Variants in ZNF398 observed in about 807,000 individuals in gnomAD.
ZNF398 encodes zinc finger DNA binding protein ZER6.
In ZNF398, 18 loss-of-function variants were observed where a neutral mutation model predicts 41.9. The ratio of observed to expected loss-of-function variants is 0.43; its 90% CI spans 0.30 to 0.64. The LOEUF (loss-of-function observed/expected upper bound fraction) is 0.64, where lower values mean the gene tolerates loss of function less well. ZNF398 is among the 30% of genes least tolerant of loss of function. The pLI is 0.14. For synonymous variants in ZNF398, 260 were observed against 308.8 expected (o/e 0.84, Z 1.66); for missense variants, 669 against 822.8 (o/e 0.81, Z 2.29).
At chr7:149,159,496 A>C (rs1283782056) in intron 2 of ZNF398, among the ~76,000 whole-genome samples, 1 of 151,534 alleles carries the variant, frequency 6.6e-6, no homozygotes. Flanking sequence ...AATACAAAAA[A>C]AATTAGCCGG....
intron 5 of ZNF398, among the ~76,000 whole-genome samples, 181 bp downstream of exon 5, chr7:149,176,762 A>G (rs111339625): frequency 9.2e-5 from 14 of 152,348 alleles, no homozygotes; most frequent in Admixed American, 7.2e-4. Context: ...GAAGTGAGTG[A>G]GAAAATACAC....
intron 2 of ZNF398, among the ~76,000 whole-genome samples, chr7:149,130,251 C>A (rs1437190177): frequency 1.3e-5 from 2 of 152,064 alleles, no homozygotes; most frequent in Non-Finnish European, 2.9e-5. Context: ...GCACACCACC[C>A]CACCTGGCTA....
intron 2 of ZNF398, 80 bp downstream of exon 2, chr7:149,154,420 ATT>A (rs1794927042): frequency 5.6e-6 from 8 of 1,421,058 alleles, no homozygotes; most frequent in Non-Finnish European, 7.5e-6. Flanking sequence ...AGTTACTTAG[ATT>A]TTTTATTTCC....
intron 2 of ZNF398, among the ~76,000 whole-genome samples, chr7:149,132,697 G>A (rs1478205521): frequency 6.6e-6 from 1 of 152,162 alleles, no homozygotes; most frequent in Non-Finnish European, 1.5e-5. Flanking sequence ...TAATGCAAAT[G>A]AGCTTTCCAC....
chr7:149,163,497 C>T (rs1795157656), intron 2 of ZNF398, among the ~76,000 whole-genome samples: 1 of 152,050 alleles, frequency 6.6e-6, no homozygotes, highest in Admixed American at 6.6e-5. Context: ...CTCAGCCTCC[C>T]AGGTAGTTGG....
intron 2 of ZNF398, among the ~76,000 whole-genome samples, chr7:149,159,399 G>A (rs1795052039): frequency 6.6e-6 from 1 of 152,036 alleles, no homozygotes; most frequent in East Asian, 2.0e-4. Flanking sequence ...TGTAATCCCA[G>A]TACTTTGGGA....
intron 2 of ZNF398, among the ~76,000 whole-genome samples, chr7:149,133,647 T>C (rs1826641169): frequency 1.2e-5 from 1 of 86,030 alleles, no homozygotes; most frequent in African/African-American, 6.3e-5. Context: ...TATTTTTGTG[T>C]TTTTTAAATA....
intron 4 of ZNF398, among the ~76,000 whole-genome samples, chr7:149,168,049 T>G (rs1370924909): frequency 6.6e-6 from 1 of 152,186 alleles, no homozygotes; most frequent in East Asian, 1.9e-4. Context: ...TATCTATCAC[T>G]GCATCACTCC....
At chr7:149,170,253 G>A (rs1795306642) in intron 4 of ZNF398, among the ~76,000 whole-genome samples, 1 of 152,178 alleles carries the variant, frequency 6.6e-6, no homozygotes, top group African/African-American at 2.4e-5. Flanking sequence ...ACATCACAGC[G>A]TGAACTCACA....
rs1563168201 is a variant in ZNF398 at position 149,179,576 on chromosome 7, C to G, written c.1704C>G (p.Pro568=). Residue 568 remains proline (P), a synonymous_variant, in exon 6 of 6, where the codon CCC becomes CCG. Transcript: ENST00000475153. The surrounding 1 kb of genome is among the most constrained non-coding windows in gnomAD (Gnocchi z 6.1). ...TCCACACCGGGGAGCGGCCCTACCC[C>G]TGCTCCTACTGTGGCAGGAGCTTCC... ...QRIHTGERPY[P]CSYCGRSFRY... is the part of the protein sequence containing the mutation. 4 of 1,614,242 alleles carry G rather than the reference C, an allele frequency of 2.5e-6. No individual in the cohort carries two copies. The South Asian group carries it at 4.4e-5, about 18-fold the overall frequency.
rs1336797956 is a variant in ZNF398, at chr7:149,181,163, T to A, written c.*1362T>A. The A allele has an allele frequency of 6.6e-6, 1 of 152,614 alleles. No individual in the cohort carries two copies. The highest frequency in any genetic ancestry group is 2.4e-5 in the African/African-American group (1 of 41,440). The allele number at this position is 152,614 out of a possible 1,614,324, so 9.5% of individuals were successfully genotyped here. A position where few individuals can be genotyped will look rare whatever the true frequency, so the allele number is the denominator to read the frequency against. On this transcript the variant is annotated 3_prime_UTR_variant, in exon 6 of 6. Transcript: ENST00000475153. ...ATGAGGCTGTTGAAAGGAAAAAAAG[T>A]GAGCCTCTAGGAATTATTCAAAAAA...
chr7:149,153,439 G>A (rs1278026067), intron 1 of ZNF398, among the ~76,000 whole-genome samples: 1 of 152,278 alleles, frequency 6.6e-6, no homozygotes, highest in East Asian at 1.9e-4. Flanking sequence ...CTTCTGTTTT[G>A]TAACCCTCAT....
chr7:149,151,242 GAA>G, intron 1 of ZNF398: 1 of 1,239,810 alleles, frequency 8.1e-7, no homozygotes, highest in African/African-American at 1.5e-5. Context: ...AATGGAGAAA[GAA>G]TGATTGGACT....
In ZNF398 at chr7:149,154,068, G is replaced by A. The variant is rs765609403; in HGVS notation, c.148G>A (p.Val50Met). ...AISLWTVVAA[V>M]QAIERKVEIH... is the part of the protein sequence containing the mutation. Reference sequence around the variant, plus strand: ...CTCTCTGTGGACAGTGGTGGCCGCCGTGCAGGCTATAGAGAGGAAGGTGGA... The same window carrying A: ...CTCTCTGTGGACAGTGGTGGCCGCCATGCAGGCTATAGAGAGGAAGGTGGA... Residue 50 changes from valine to methionine, a missense_variant, in exon 2 of 6, where the codon GTG (valine) becomes ATG (methionine). Physicochemically the swap from Val to Met is conservative, Grantham distance 21 (BLOSUM62 1). This residue lies in a region of ZNF398 where 169 missense variants were observed against 239.5 expected (regional missense o/e 0.71). Coordinates refer to ENST00000475153, the MANE Select transcript of ZNF398 (RefSeq NM_170686.3). 5 of 1,614,044 alleles carry A rather than the reference G, an allele frequency of 3.1e-6. No individual in the cohort carries two copies. Among genetic ancestry groups the A allele is most frequent in the Non-Finnish European group, 4.2e-6 (5 of 1,180,032 alleles).
rs1384631580 is a variant in ZNF398, at chr7:149,141,451, TTTTTC to T, written c.-489-12489_-489-12485del. The stretch of plus-strand genomic sequence containing the variant: ...GCTAGGATTACAGCTACTTTTCTTT[TTTTTC>T]TTTTTTTTTTTTTTTTGAGACGGAG... On this transcript the variant is annotated intron_variant, in intron 2 of 6. Coordinates refer to the ZNF398 transcript ENST00000426851. Among the ~76,000 whole-genome samples, 43 of 130,938 alleles carry T rather than the reference TTTTTC, an allele frequency of 3.3e-4. 1 individual carries two copies. In the South Asian group the frequency reaches 3.3e-3, roughly 10 times the overall value. 85.9% of individuals were successfully genotyped at this position (130,938 alleles called of 152,430 possible).
intron 2 of ZNF398, 62 bp downstream of exon 2, chr7:149,154,402 G>T: frequency 6.8e-7 from 1 of 1,478,752 alleles, no homozygotes; most frequent in South Asian, 1.4e-5. Context: ...TAGTAGTCTT[G>T]GTCATTCAGT....
chr7:149,179,903 C>A lies in ZNF398; in HGVS notation c.*102C>A. 8.9e-7 allele frequency: 1 copy of A among 1,124,898 alleles called. No homozygotes were observed. Among genetic ancestry groups the A allele is most frequent in the Non-Finnish European group, 1.2e-6 (1 of 808,440 alleles). 69.7% of individuals were successfully genotyped at this position (1,124,898 alleles called of 1,614,324 possible). A position where few individuals can be genotyped will look rare whatever the true frequency, so the allele number is the denominator to read the frequency against. On this transcript the variant is annotated 3_prime_UTR_variant, in exon 6 of 6. Coordinates refer to ENST00000475153, the MANE Select transcript of ZNF398 (RefSeq NM_170686.3). This position sits in a 1 kb window ranked among gnomAD's most constrained non-coding sequence, Gnocchi z 6.1. ...ATCCAACACCCACAGTAATTATTATCTGGCACATCAATGAATTTGGGGTCC... is the reference window on the plus strand; with the variant it reads ...ATCCAACACCCACAGTAATTATTATATGGCACATCAATGAATTTGGGGTCC...
At chr7:149,131,713 A>C (rs1368460359) in intron 2 of ZNF398, among the ~76,000 whole-genome samples, 2 of 152,138 alleles carry the variant, frequency 1.3e-5, no homozygotes, top group Admixed American at 1.3e-4. Context: ...AAACAAACAA[A>C]AAACATATGC....
In ZNF398 at chr7:149,180,552, C is replaced by A. The variant is rs184959649; in HGVS notation, c.*751C>A. On this transcript the variant is annotated 3_prime_UTR_variant, in exon 6 of 6. Transcript: ENST00000475153. ...AACTGCCAGAAATCTTTGCCAAGGTCCTGGTTAAAAAAATTGGAAACGGTT... is the reference window on the plus strand; with the variant it reads ...AACTGCCAGAAATCTTTGCCAAGGTACTGGTTAAAAAAATTGGAAACGGTT... 9.0e-4 allele frequency: 137 copies of A among 152,214 alleles called. No individual in the cohort carries two copies. Among genetic ancestry groups the A allele is most frequent in the African/African-American group, 3.1e-3 (129 of 41,522 alleles). 9.4% of individuals were successfully genotyped at this position (152,214 alleles called of 1,614,324 possible).
Sources: gnomAD v4.1 joint callset for allele counts (sites outside exome capture counted in the v4.1 genomes callset) on GRCh38, gnomAD v4.1.1 for gene constraint, gnomAD v4.1.1 regional missense constraint, Gnocchi (gnomAD v3.1) non-coding constraint, MANE v1.5 for transcripts, NCBI Gene and HGNC (gene_info 2026-07-23, HGNC 2026-07-21) for gene names.